Variants in LRBA observed in about 807,000 individuals in gnomAD.
The protein encoded by LRBA is lipopolysaccharide-responsive and beige-like anchor protein.
Under a neutral mutation model 330.0 loss-of-function variants are expected in LRBA, and 176 were observed. That is an observed-to-expected ratio of 0.53 (90% CI 0.47 to 0.60). The LOEUF (loss-of-function observed/expected upper bound fraction) is 0.60. LRBA is among the 20% of genes least tolerant of loss of function. The pLI is 0.00. For synonymous variants in LRBA, 1,230 were observed against 1,193.0 expected (o/e 1.03, Z -0.64); for missense variants, 3,259 against 3,444.8 (o/e 0.95, Z 1.35).
intron 34 of LRBA, among the ~76,000 whole-genome samples, chr4:150,774,181 C>T (rs928595185): frequency 1.6e-4 from 25 of 152,066 alleles, no homozygotes; most frequent in African/African-American, 5.8e-4. Flanking sequence ...AAATTGCATC[C>T]AACCAGATGA....
At chr4:150,607,331 T>C (rs1774750364) in intron 37 of LRBA, among the ~76,000 whole-genome samples, 1 of 151,878 alleles carries the variant, frequency 6.6e-6, no homozygotes, top group Non-Finnish European at 1.5e-5. Flanking sequence ...AAGTGAAGGG[T>C]TTAAAGACAT....
chr4:150,840,735 G>C (rs899530003), intron 28 of LRBA: 4 of 175,668 alleles, frequency 2.3e-5, no homozygotes, highest in African/African-American at 9.6e-5. Flanking sequence ...AGTACATGCT[G>C]TTGGATAAAT....
At chr4:151,014,193 T>C (rs116676772) in intron 2 of LRBA, 90 of 424,342 alleles carry the variant, frequency 2.1e-4, no homozygotes, top group African/African-American at 1.6e-3. Flanking sequence ...AATTATTTCC[T>C]TAGCACAAAA....
intron 15 of LRBA, among the ~76,000 whole-genome samples, chr4:150,897,362 A>C (rs893786089): frequency 6.6e-6 from 1 of 152,098 alleles, no homozygotes; most frequent in South Asian, 2.1e-4. Context: ...TACCTGGTAC[A>C]TTTATACAGA....
intron 38 of LRBA, among the ~76,000 whole-genome samples, chr4:150,593,913 C>T (rs981415995): frequency 6.6e-6 from 1 of 151,926 alleles, no homozygotes; most frequent in African/African-American, 2.4e-5. Flanking sequence ...TAAATGACCA[C>T]GAGAAATATA....
At chr4:150,715,891 A>G (rs1328720317) in intron 36 of LRBA, among the ~76,000 whole-genome samples, 1 of 152,236 alleles carries the variant, frequency 6.6e-6, no homozygotes, top group Non-Finnish European at 1.5e-5. Flanking sequence ...ATATGAAGGA[A>G]AAATCCTTAT....
In LRBA at chr4:150,282,526, T is replaced by C. The variant is rs747108520; in HGVS notation, c.8240A>G (p.Tyr2747Cys). The change falls in exon 55 of 57, where the codon TAT (tyrosine) becomes TGT (cysteine). Residue 2747 changes from tyrosine to cysteine, a missense_variant. By Grantham distance (194) the Tyr-to-Cys change is radical. Coordinates refer to ENST00000651943, the MANE Select transcript of LRBA (RefSeq NM_001364905.1). ...GAATGTACAGAAGAGGCCGTTTTCA[T>C]AGAATATGACACAATGACCCTCTCT... ...ASREGHCVIFYENGLFCTFSV... is the reference protein window; with the variant it reads ...ASREGHCVIFCENGLFCTFSV... 5.6e-6 allele frequency: 9 copies of C among 1,614,044 alleles called. No homozygotes were observed. The highest frequency in any genetic ancestry group is 4.0e-5 in the African/African-American group (3 of 74,926).
chr4:150,478,694 C>T (rs1756979109), intron 42 of LRBA, among the ~76,000 whole-genome samples: 1 of 152,162 alleles, frequency 6.6e-6, no homozygotes, highest in African/African-American at 2.4e-5. Context: ...TGCCTTGCTT[C>T]AGGGCCTTTG....
At chr4:150,565,039 C>T (rs761110838) in intron 40 of LRBA, among the ~76,000 whole-genome samples, 1 of 151,854 alleles carries the variant, frequency 6.6e-6, no homozygotes, top group Non-Finnish European at 1.5e-5. Flanking sequence ...AATCATTCTA[C>T]TATAAAGACA....
chr4:150,583,418 C>G lies in LRBA; in HGVS notation c.6330+4630G>C. 6.2e-7 allele frequency: 1 copy of G among 1,613,922 alleles called. No homozygotes were observed. Among genetic ancestry groups the G allele is most frequent in the Non-Finnish European group, 8.5e-7 (1 of 1,180,024 alleles). On this transcript the variant is annotated intron_variant, in intron 40 of 56. Transcript: ENST00000651943. The surrounding 1 kb of genome is among the most constrained non-coding windows in gnomAD (Gnocchi z 9.8). Reference sequence around the variant, plus strand: ...TATCTCTCAGCGCGTAAGATCCGCTCGCGTTTCCAGACGCTGGTGGCCCAG... The same window carrying G: ...TATCTCTCAGCGCGTAAGATCCGCTGGCGTTTCCAGACGCTGGTGGCCCAG...
intron 40 of LRBA, among the ~76,000 whole-genome samples, chr4:150,520,802 G>A (rs1240604683): frequency 1.3e-5 from 2 of 152,158 alleles, no homozygotes; most frequent in East Asian, 1.9e-4. Context: ...AAGGGTAGGC[G>A]AGGGTACCTA....
chr4:150,902,377 T>A (rs992208798), intron 13 of LRBA, among the ~76,000 whole-genome samples: 2 of 152,156 alleles, frequency 1.3e-5, no homozygotes, highest in Non-Finnish European at 2.9e-5. Flanking sequence ...TCTTTTTTTT[T>A]AATACTGATG....
intron 49 of LRBA, among the ~76,000 whole-genome samples, chr4:150,325,187 A>G (rs1200672395): frequency 6.6e-6 from 1 of 152,188 alleles, no homozygotes; most frequent in Non-Finnish European, 1.5e-5. Flanking sequence ...CCACATGGAA[A>G]GAGAAGCCTG....
chr4:150,902,963 G>T (rs1298892120), intron 13 of LRBA, among the ~76,000 whole-genome samples: 2 of 152,136 alleles, frequency 1.3e-5, no homozygotes, highest in Non-Finnish European at 2.9e-5. Context: ...CCATTTTTAA[G>T]CTAGAAAATC....
intron 56 of LRBA, among the ~76,000 whole-genome samples, chr4:150,274,876 C>T (rs1240883518): frequency 6.6e-6 from 1 of 152,152 alleles, no homozygotes; most frequent in Non-Finnish European, 1.5e-5. Flanking sequence ...TGGTACCATT[C>T]CTTCTGAAAC....
chr4:150,939,970 A>C (rs1465146217), intron 2 of LRBA, among the ~76,000 whole-genome samples: 1 of 152,216 alleles, frequency 6.6e-6, no homozygotes, highest in Non-Finnish European at 1.5e-5. Flanking sequence ...CTAAATCCAT[A>C]AAAATAAAAA....
chr4:150,560,362 G>C (rs1768158714), intron 40 of LRBA, among the ~76,000 whole-genome samples: 2 of 152,040 alleles, frequency 1.3e-5, no homozygotes, highest in Non-Finnish European at 2.9e-5. Context: ...AATGTGATAA[G>C]CATGTGATGA....
In LRBA at chr4:150,804,813, A is replaced by G. The variant is rs929892636; in HGVS notation, c.5518+1458T>C. Among the ~76,000 whole-genome samples, 5 of 152,218 alleles carry G rather than the reference A, an allele frequency of 3.3e-5. No homozygotes were observed. The South Asian group carries it at 6.2e-4, about 19-fold the overall frequency. ...ATAAAAAGCCCTGTAGCTTCACCTTAAAAAATCCTAGTTATGAGGTCAGGT... is the reference window on the plus strand; with the variant it reads ...ATAAAAAGCCCTGTAGCTTCACCTTGAAAAATCCTAGTTATGAGGTCAGGT... On this transcript the variant is annotated intron_variant, in intron 33 of 56. Transcript: ENST00000651943.
chr4:150,590,087 C>T (rs1167185907), intron 39 of LRBA, among the ~76,000 whole-genome samples: 1 of 152,064 alleles, frequency 6.6e-6, no homozygotes, highest in Non-Finnish European at 1.5e-5. Context: ...GACTTTCTTC[C>T]TTGAGGGACA....
Sources: allele counts gnomAD v4.1 joint callset (sites outside exome capture counted in the v4.1 genomes callset), GRCh38; gene constraint gnomAD v4.1.1; non-coding constraint Gnocchi (gnomAD v3.1); transcripts MANE v1.5; gene names NCBI Gene and HGNC (gene_info 2026-07-23, HGNC 2026-07-21).